Variants in RBFOX1 observed in about 807,000 individuals in gnomAD.
RBFOX1 encodes RNA binding fox-1 homolog 1, also known as RNA binding protein fox-1 homolog 1.
Under a neutral mutation model 57.7 loss-of-function variants are expected in RBFOX1, and 8 were observed. The observed-to-expected ratio is 0.14, with a 90% confidence interval of 0.08 to 0.25. RBFOX1 has a LOEUF of 0.25. Ranked by LOEUF, RBFOX1 falls within the 10% of genes least tolerant of loss-of-function variation. The pLI is 1.00. For synonymous variants in RBFOX1, 326 were observed against 222.4 expected (o/e 1.47, Z -4.15); for missense variants, 611 against 548.5 (o/e 1.11, Z -1.14).
intron 3 of RBFOX1, among the ~76,000 whole-genome samples, chr16:6,845,859 G>T (rs2093727477): frequency 1.3e-5 from 2 of 152,156 alleles, no homozygotes; most frequent in Admixed American, 1.3e-4. Context: ...AGTCCCACTT[G>T]TGTATGGCTA....
chr16:6,212,813 T>C (rs1391870479), intron 1 of RBFOX1, among the ~76,000 whole-genome samples: 1 of 152,174 alleles, frequency 6.6e-6, no homozygotes, highest in Non-Finnish European at 1.5e-5. Flanking sequence ...ACTCTTTAAT[T>C]TTTTCTCCAA....
chr16:7,457,742 G>A (rs752794792), intron 4 of RBFOX1, among the ~76,000 whole-genome samples: 19 of 152,028 alleles, frequency 1.2e-4, no homozygotes, highest in Middle Eastern at 3.4e-3. Context: ...ATCTAAAAAC[G>A]TTTATCTTCT....
At chr16:7,392,790 C>A (rs1192322266) in intron 4 of RBFOX1, among the ~76,000 whole-genome samples, 4 of 152,068 alleles carry the variant, frequency 2.6e-5, no homozygotes, top group African/African-American at 9.7e-5. Context: ...TAGGGATGTC[C>A]TCAGTCCGTG....
intron 4 of RBFOX1, among the ~76,000 whole-genome samples, chr16:5,930,281 A>G (rs1189189394): frequency 1.9e-4 from 1 of 5,196 alleles, no homozygotes; most frequent in African/African-American, 8.1e-4. Flanking sequence ...GAGGGTGAGT[A>G]GGTGAGTGGG....
At chr16:5,895,948 G>A (rs972169894) in intron 4 of RBFOX1, among the ~76,000 whole-genome samples, 2 of 152,160 alleles carry the variant, frequency 1.3e-5, no homozygotes, top group African/African-American at 2.4e-5. Flanking sequence ...CTGTATTCCT[G>A]AGCTTTCCAG....
chr16:5,380,715 A>G (rs545121824), intron 1 of RBFOX1, among the ~76,000 whole-genome samples: 2 of 152,342 alleles, frequency 1.3e-5, no homozygotes, highest in South Asian at 4.1e-4. Flanking sequence ...AGTTGTCCAA[A>G]GACACACGTC....
intron 3 of RBFOX1, among the ~76,000 whole-genome samples, chr16:6,738,247 AG>A (rs1234118305): frequency 6.6e-6 from 1 of 152,084 alleles, no homozygotes; most frequent in East Asian, 1.9e-4. Flanking sequence ...ACAGGAGCAA[AG>A]GATGTGAGTC....
chr16:6,528,555 G>T (rs181518134), intron 2 of RBFOX1, among the ~76,000 whole-genome samples: 1 of 152,172 alleles, frequency 6.6e-6, no homozygotes, highest in Non-Finnish European at 1.5e-5. Context: ...TTTGGAACTG[G>T]TGGAAATAGC....
intron 2 of RBFOX1, among the ~76,000 whole-genome samples, chr16:6,464,098 C>G (rs1362413388): frequency 1.3e-5 from 2 of 152,122 alleles, no homozygotes; most frequent in Non-Finnish European, 2.9e-5. Context: ...ATGAAGGCAA[C>G]TTTTTCATCG....
At chr16:6,977,991 C>G (rs954127867) in intron 3 of RBFOX1, among the ~76,000 whole-genome samples, 4 of 148,708 alleles carry the variant, frequency 2.7e-5, no homozygotes, top group Admixed American at 2.0e-4. Flanking sequence ...TGTGTCTTTG[C>G]AAGACACTCA....
intron 1 of RBFOX1, among the ~76,000 whole-genome samples, chr16:5,292,140 T>C (rs960277985): frequency 2.6e-5 from 4 of 152,216 alleles, no homozygotes; most frequent in African/African-American, 9.6e-5. Flanking sequence ...GCATATTAAA[T>C]TAATCTGCAT....
intron 4 of RBFOX1, chr16:7,431,424 G>GTA (rs1568871939): frequency 3.9e-5 from 6 of 151,934 alleles, no homozygotes. Flanking sequence ...GTGTGTGTGT[G>GTA]TAGATGGGTT....
chr16:6,811,246 C>T (rs2088477114), intron 3 of RBFOX1, among the ~76,000 whole-genome samples: 1 of 152,022 alleles, frequency 6.6e-6, no homozygotes, highest in South Asian at 2.1e-4. Flanking sequence ...TCAAGAATGC[C>T]ACAAAATTGA....
At chr16:6,831,378 C>T (rs975969913) in intron 3 of RBFOX1, among the ~76,000 whole-genome samples, 3 of 152,162 alleles carry the variant, frequency 2.0e-5, no homozygotes, top group Non-Finnish European at 4.4e-5. Context: ...ACTGAGTTAA[C>T]ATATTTTAGT....
intron 2 of RBFOX1, among the ~76,000 whole-genome samples, chr16:6,320,911 A>C (rs528425545): frequency 6.6e-6 from 1 of 152,272 alleles, no homozygotes; most frequent in South Asian, 2.1e-4. Flanking sequence ...ATCCTGCCTC[A>C]GCCTCCCAAG....
At chr16:7,330,157 C>G (rs996011734) in intron 4 of RBFOX1, among the ~76,000 whole-genome samples, 2 of 152,040 alleles carry the variant, frequency 1.3e-5, no homozygotes, top group Non-Finnish European at 2.9e-5. Context: ...AGATTGGTTC[C>G]AGGACCTCCC....
chr16:7,041,261 G>T (rs951703590), intron 3 of RBFOX1, among the ~76,000 whole-genome samples: 1 of 151,910 alleles, frequency 6.6e-6, no homozygotes, highest in African/African-American at 2.4e-5. Context: ...TTGGAACACA[G>T]TGGCACCCAT....
At chr16:5,471,059 C>G (rs561509824) in intron 2 of RBFOX1, among the ~76,000 whole-genome samples, 5 of 152,162 alleles carry the variant, frequency 3.3e-5, no homozygotes, top group Non-Finnish European at 5.9e-5. Context: ...GTCTCAAACT[C>G]CTGACCTCAG....
intron 2 of RBFOX1, among the ~76,000 whole-genome samples, chr16:6,481,152 A>C (rs1385790883): frequency 1.3e-5 from 2 of 151,944 alleles, no homozygotes; most frequent in East Asian, 3.9e-4. Context: ...CTCATGGGAG[A>C]CTCTACTGCC....
Sources: gnomAD v4.1 joint callset for allele counts (sites outside exome capture counted in the v4.1 genomes callset) on GRCh38, gnomAD v4.1.1 for gene constraint, MANE v1.5 for transcripts, NCBI Gene and HGNC (gene_info 2026-07-23, HGNC 2026-07-21) for gene names.